CLEC20A: variants seen among roughly 807,000 people sequenced by gnomAD.
CLEC20A encodes putative C-type lectin domain family 20 member A.
upstream of CLEC20A, among the ~76,000 whole-genome samples, chr1:178,498,254 G>C (rs1649446238): frequency 6.6e-6 from 1 of 152,092 alleles, no homozygotes; most frequent in African/African-American, 2.4e-5. Context: ...CTTCCGCACG[G>C]TCAGAGACCC....
At chr1:178,498,388 T>A (rs1022894734), upstream of CLEC20A, among the ~76,000 whole-genome samples, 4 of 151,990 alleles carry the variant, frequency 2.6e-5, no homozygotes, top group African/African-American at 9.7e-5. Context: ...GCCCAGGAAT[T>A]TGAGACCAGC....
chr1:178,490,015 C>T (rs1649235314), intron 4 of CLEC20A, 57 bp downstream of exon 4: 2 of 398,524 alleles, frequency 5.0e-6, no homozygotes, highest in Non-Finnish European at 4.4e-6. Flanking sequence ...AAACCCATTT[C>T]CCATCTCATT....
intron 5 of CLEC20A, among the ~76,000 whole-genome samples, chr1:178,486,190 C>G (rs898104166): frequency 6.6e-6 from 1 of 152,198 alleles, no homozygotes; most frequent in African/African-American, 2.4e-5. Flanking sequence ...CCAGGGAGGA[C>G]GAGACAGTGA....
At position 178,483,215 on chromosome 1, in the gene CLEC20A, CAG is replaced by C. The variant is rs1259808628; in HGVS notation, c.994_995del (p.Leu332GlufsTer5). The C allele has an allele frequency of 2.5e-6, 1 of 398,472 alleles. No individual in the cohort carries two copies. The highest frequency in any genetic ancestry group is 4.4e-5 in the Admixed American group (1 of 22,718). The allele number at this position is 398,472 out of a possible 1,614,324, so 24.7% of individuals were successfully genotyped here. On this transcript the variant is annotated frameshift_variant, in exon 6 of 8. Transcript: ENST00000623247. LOFTEE classifies it high-confidence loss of function. The stretch of plus-strand genomic sequence containing the variant: ...ATGTTTTTTCTTTAGATTCTGAACT[CAG>C]ATGTTGGGCCTCCGTGGCAGCAGCT...
chr1:178,485,417 C>T (rs1052782120), intron 5 of CLEC20A, among the ~76,000 whole-genome samples: 10 of 152,202 alleles, frequency 6.6e-5, no homozygotes, highest in Non-Finnish European at 1.3e-4. Flanking sequence ...GCTTGTCATT[C>T]CCAAGCAAAC....
At chr1:178,484,268 T>G (rs1280118573) in intron 5 of CLEC20A, 2 of 152,216 alleles carry the variant, frequency 1.3e-5, no homozygotes, top group Admixed American at 6.5e-5. Flanking sequence ...TGACACAAAT[T>G]CTGATACCAG....
intron 5 of CLEC20A, chr1:178,484,190 A>G (rs1016574207): frequency 2.6e-5 from 4 of 152,194 alleles, no homozygotes; most frequent in Non-Finnish European, 5.9e-5. Context: ...TGTACCTCAT[A>G]TTACTATTTC....
At chr1:178,485,794 G>A (rs1314580975) in intron 5 of CLEC20A, among the ~76,000 whole-genome samples, 1 of 152,182 alleles carries the variant, frequency 6.6e-6, no homozygotes, top group Non-Finnish European at 1.5e-5. Context: ...GAGATACAAA[G>A]AAGTACAGAA....
At chr1:178,482,695 A>G (rs951469651) in intron 6 of CLEC20A, 4 of 254,362 alleles carry the variant, frequency 1.6e-5, no homozygotes, top group African/African-American at 4.4e-5. Context: ...CTTTTAATCC[A>G]GTAAGTAGAT....
At chr1:178,487,570 G>A (rs1411384566) in intron 5 of CLEC20A, among the ~76,000 whole-genome samples, 1 of 152,196 alleles carries the variant, frequency 6.6e-6, no homozygotes, top group Non-Finnish European at 1.5e-5. Context: ...GAAATCCCCT[G>A]GACAATTACA....
At chr1:178,486,754 G>A in intron 5 of CLEC20A, 1 of 398,634 alleles carries the variant, frequency 2.5e-6, no homozygotes. Flanking sequence ...CCGAGAGGCC[G>A]CAGCAGGGCT....
chr1:178,479,649 G>A (rs547494855), intron 7 of CLEC20A, 34 bp from the exon 8 acceptor site: 14 of 398,094 alleles, frequency 3.5e-5, no homozygotes, highest in African/African-American at 8.2e-5. Flanking sequence ...GTGTTGATGC[G>A]GTCTTTTTAC....
chr1:178,495,077 A>G (rs577225516), intron 1 of CLEC20A, among the ~76,000 whole-genome samples: 1 of 152,270 alleles, frequency 6.6e-6, no homozygotes, highest in South Asian at 2.1e-4. Flanking sequence ...CCCTTTGCCC[A>G]GCTAACTCCT....
intron 1 of CLEC20A, 78 bp from the exon 2 acceptor site, chr1:178,494,888 G>A (rs375188639): frequency 8.0e-5 from 32 of 398,470 alleles, no homozygotes; most frequent in African/African-American, 6.0e-4. Flanking sequence ...AGCCACACTC[G>A]GGTGGGCCTC....
chr1:178,481,044 T>C (rs915405178), intron 7 of CLEC20A: 2 of 152,224 alleles, frequency 1.3e-5, no homozygotes, highest in Non-Finnish European at 2.9e-5. Flanking sequence ...TTCATACTTA[T>C]TGTTCTTTCA....
chr1:178,483,250 T>G, exon 6 of CLEC20A: 1 of 398,618 alleles, frequency 2.5e-6, no homozygotes, highest in Non-Finnish European at 4.4e-6. Flanking sequence ...GCTGTATCTC[T>G]TCTATCAGTG....
chr1:178,499,563 C>T (rs1025222151), upstream of CLEC20A: 4 of 152,196 alleles, frequency 2.6e-5, 1 homozygote, highest in Non-Finnish European at 5.9e-5. Flanking sequence ...TGCTTCCTGC[C>T]CTTGAACATC....
intron 4 of CLEC20A, among the ~76,000 whole-genome samples, chr1:178,489,391 A>G (rs1352467066): frequency 2.0e-5 from 3 of 152,092 alleles, no homozygotes; most frequent in Admixed American, 6.5e-5. Context: ...TTAACTAAAT[A>G]AAAAATAAGG....
In CLEC20A at chr1:178,482,302, G is replaced by A; in HGVS notation, c.1122+10C>T. ...CTGATCAGAATTAGAAGAGTGTGCAGAAGTCTCACCTGTCTCAGAAATTGG... is the reference window on the plus strand; with the variant it reads ...CTGATCAGAATTAGAAGAGTGTGCAAAAGTCTCACCTGTCTCAGAAATTGG... On this transcript the variant is annotated intron_variant, in intron 7 of 7. Coordinates refer to ENST00000623247, the Ensembl canonical transcript of CLEC20A. 2.5e-6 allele frequency: 1 copy of A among 398,552 alleles called. No individual in the cohort carries two copies. Among genetic ancestry groups the A allele is most frequent in the East Asian group, 3.6e-5 (1 of 28,072 alleles). The allele number at this position is 398,552 out of a possible 1,614,324, so 24.7% of individuals were successfully genotyped here.
Sources: gnomAD v4.1 joint callset for allele counts (sites outside exome capture counted in the v4.1 genomes callset) on GRCh38, gnomAD v4.1.1 for gene constraint, MANE v1.5 for transcripts, NCBI Gene and HGNC (gene_info 2026-07-23, HGNC 2026-07-21) for gene names.